The following CCDC60 variants were observed in gnomAD, a reference collection of about 807,000 sequenced individuals.
CCDC60 encodes the protein coiled-coil domain containing 60.
A neutral mutation model predicts 63.5 loss-of-function variants in CCDC60; 54 were observed. The observed-to-expected ratio is 0.85, with a 90% CI of 0.68 to 1.07. The LOEUF is 1.07. Among genes scored for constraint, CCDC60 ranks in the 50% least tolerant of loss-of-function variants. The probability of loss-of-function intolerance (pLI) is 0.00; values close to 1 mark genes in which losing one functional copy is unlikely to be tolerated. For synonymous variants in CCDC60, 206 were observed against 238.8 expected, an observed-to-expected ratio of 0.86 and a Z score of 1.27; for missense variants, 651 against 684.3, an observed-to-expected ratio of 0.95 and a Z score of 0.54.
Position 119,460,676 on chromosome 12 carries a change from C to A in CCDC60, c.171-11318C>A, listed in dbSNP as rs1458632813. ...GTGGATTTTGTTCACACGGACCCAG[C>A]TGAGAAAGCTCATTTTATGTGTTCA... On this transcript the variant is annotated intron_variant, in intron 2 of 13. Coordinates refer to ENST00000327554, the MANE Select transcript of CCDC60 (RefSeq NM_178499.5). Among the ~76,000 whole-genome samples, 3 of 152,226 alleles carry A rather than the reference C, an allele frequency of 2.0e-5. No individual in the cohort carries two copies. The East Asian group carries it at 5.8e-4, about 29-fold the overall frequency.
intron 2 of CCDC60, among the ~76,000 whole-genome samples, chr12:119,434,942 C>A (rs993480900): frequency 2.0e-5 from 3 of 152,192 alleles, no homozygotes; most frequent in Non-Finnish European, 4.4e-5. Flanking sequence ...TGGATATAAT[C>A]TGATTTTTTA....
chr12:119,510,982 T>C (rs907210568), intron 7 of CCDC60, among the ~76,000 whole-genome samples: 2 of 152,138 alleles, frequency 1.3e-5, no homozygotes, highest in Non-Finnish European at 2.9e-5. Flanking sequence ...AGAATCACAG[T>C]TCAATTACTA....
At chr12:119,469,260 T>G (rs1330604289) in intron 2 of CCDC60, among the ~76,000 whole-genome samples, 2 of 152,096 alleles carry the variant, frequency 1.3e-5, no homozygotes, top group Non-Finnish European at 2.9e-5. Flanking sequence ...TTCAAAAAAT[T>G]TTTTGAGATG....
intron 4 of CCDC60, among the ~76,000 whole-genome samples, chr12:119,480,711 C>T (rs537659820): frequency 1.3e-5 from 2 of 150,378 alleles, no homozygotes; most frequent in African/African-American, 5.0e-5. Context: ...CCATCATCCT[C>T]ACCACCACCA....
chr12:119,429,977 C>A (rs932491364), intron 2 of CCDC60, among the ~76,000 whole-genome samples: 1 of 152,050 alleles, frequency 6.6e-6, no homozygotes, highest in African/African-American at 2.4e-5. Flanking sequence ...AACATGTAAT[C>A]AGTATTAAAA....
chr12:119,466,428 T>C (rs1458526238), intron 2 of CCDC60, among the ~76,000 whole-genome samples: 1 of 152,230 alleles, frequency 6.6e-6, no homozygotes, highest in Non-Finnish European at 1.5e-5. Context: ...CGGTTGATAA[T>C]GGTGCAGTTA....
At chr12:119,395,523 G>A (rs77144912) in intron 1 of CCDC60, among the ~76,000 whole-genome samples, 3 of 152,116 alleles carry the variant, frequency 2.0e-5, no homozygotes, top group South Asian at 2.1e-4. Context: ...TCATGAGAAC[G>A]GCACCAGAGG....
At chr12:119,419,500 A>C (rs1371501476) in intron 1 of CCDC60, among the ~76,000 whole-genome samples, 1 of 152,170 alleles carries the variant, frequency 6.6e-6, no homozygotes, top group African/African-American at 2.4e-5. Flanking sequence ...ATGATGGTTA[A>C]AGTGGTGTCC....
intron 4 of CCDC60, among the ~76,000 whole-genome samples, chr12:119,479,993 C>CAT (rs1393648364): frequency 1.2e-5 from 1 of 84,018 alleles, no homozygotes; most frequent in Non-Finnish European, 2.5e-5. Flanking sequence ...CACCGTACAT[C>CAT]ATACACACAC....
intron 2 of CCDC60, among the ~76,000 whole-genome samples, chr12:119,452,734 G>A (rs1299087638): frequency 4.6e-5 from 7 of 152,144 alleles, no homozygotes; most frequent in African/African-American, 1.7e-4. Context: ...TTCATTCCTA[G>A]ATAACAGAAC....
intron 7 of CCDC60, among the ~76,000 whole-genome samples, chr12:119,509,344 C>T (rs1346546653): frequency 6.6e-6 from 1 of 152,200 alleles, no homozygotes; most frequent in Non-Finnish European, 1.5e-5. Flanking sequence ...GCAGCTCACA[C>T]TCGTAATCCT....
rs58676369 is a variant in CCDC60 at position 119,442,494 on chromosome 12, A to C, written c.170+13732A>C. 6.2e-3 allele frequency among the ~76,000 whole-genome samples: 942 copies of C among 152,316 alleles called. 12 individuals are homozygous for C. Among genetic ancestry groups the C allele is most frequent in the African/African-American group, 0.021 (890 of 41,554 alleles). ...AAACTCCTATGCACCCATTGCTCAG[A>C]TCAATAATCATATCATAGCCAATCT... On this transcript the variant is annotated intron_variant, in intron 2 of 13. Transcript: ENST00000327554.
At chr12:119,442,675 A>G (rs1437061630) in intron 2 of CCDC60, among the ~76,000 whole-genome samples, 1 of 152,242 alleles carries the variant, frequency 6.6e-6, no homozygotes, top group Non-Finnish European at 1.5e-5. Flanking sequence ...TTACTATCCA[A>G]TATCCACACA....
intron 5 of CCDC60, among the ~76,000 whole-genome samples, chr12:119,497,519 G>A (rs775304806): frequency 6.6e-6 from 1 of 152,168 alleles, no homozygotes; most frequent in Non-Finnish European, 1.5e-5. Context: ...GCTTGAAGTC[G>A]CAATAGATTT....
Position 119,335,138 on chromosome 12 carries a change from G to C in CCDC60, c.-39G>C, listed in dbSNP as rs1261581929. Reference sequence around the variant, plus strand: ...AGTAGAAGATTCTGGAAAAATCCTTGTCTTGGGGGCACAGGCTAAAACCTG... The same window carrying C: ...AGTAGAAGATTCTGGAAAAATCCTTCTCTTGGGGGCACAGGCTAAAACCTG... On this transcript the variant is annotated 5_prime_UTR_variant, in exon 1 of 14. Coordinates refer to ENST00000327554, the MANE Select transcript of CCDC60 (RefSeq NM_178499.5). 1 of 1,536,062 alleles carries C rather than the reference G, an allele frequency of 6.5e-7. No individual in the cohort carries two copies. The highest frequency in any genetic ancestry group is 8.9e-7 in the Non-Finnish European group (1 of 1,126,006).
intron 2 of CCDC60, among the ~76,000 whole-genome samples, chr12:119,451,181 T>C (rs1950628104): frequency 6.6e-6 from 1 of 152,152 alleles, no homozygotes; most frequent in South Asian, 2.1e-4. Context: ...CAGGGATGCA[T>C]TTTTCCACAA....
intron 1 of CCDC60, among the ~76,000 whole-genome samples, chr12:119,349,032 A>G (rs1251056587): frequency 2.0e-5 from 3 of 152,352 alleles, no homozygotes; most frequent in East Asian, 3.9e-4. Flanking sequence ...GCTAAGAGGC[A>G]GGCATTATTA....
At chr12:119,445,113 C>T (rs543809042) in intron 2 of CCDC60, among the ~76,000 whole-genome samples, 1 of 152,112 alleles carries the variant, frequency 6.6e-6, no homozygotes, top group Admixed American at 6.5e-5. Flanking sequence ...CCCTAAATTT[C>T]CCATGAAAAT....
At chr12:119,483,308 C>A (rs536468167) in intron 4 of CCDC60, among the ~76,000 whole-genome samples, 3 of 152,218 alleles carry the variant, frequency 2.0e-5, no homozygotes, top group Non-Finnish European at 4.4e-5. Context: ...TCAGCCAATG[C>A]GGATCAGAGC....
Sources: gnomAD v4.1 joint callset for allele counts (sites outside exome capture counted in the v4.1 genomes callset) on GRCh38, gnomAD v4.1.1 for gene constraint, MANE v1.5 for transcripts, NCBI Gene and HGNC (gene_info 2026-07-23, HGNC 2026-07-21) for gene names.